Variants in CRMP1 observed in about 807,000 individuals in gnomAD.
CRMP1 encodes dihydropyrimidinase-related protein 1.
Under a neutral mutation model 68.3 loss-of-function variants are expected in CRMP1, and 19 were observed. That is an observed-to-expected ratio of 0.28 (90% CI 0.19 to 0.41). The LOEUF (loss-of-function observed/expected upper bound fraction) is 0.41, where lower values mean the gene tolerates loss of function less well. CRMP1 is among the 10% of genes least tolerant of loss of function. The pLI, the probability that CRMP1 is intolerant of heterozygous loss-of-function variation, is 1.00. For synonymous variants in CRMP1, 439 were observed against 399.6 expected, an observed-to-expected ratio of 1.10 and a Z score of -1.18; for missense variants, 791 against 967.4, an observed-to-expected ratio of 0.82 and a Z score of 2.42.
intron 6 of CRMP1, among the ~76,000 whole-genome samples, chr4:5,848,194 G>C (rs952697461): frequency 1.3e-5 from 2 of 151,442 alleles, no homozygotes; most frequent in Non-Finnish European, 2.9e-5. Context: ...GCCCAGGCTG[G>C]AGTGCAGTGG....
At chr4:5,885,670 T>C (rs1320766530) in intron 1 of CRMP1, among the ~76,000 whole-genome samples, 1 of 152,072 alleles carries the variant, frequency 6.6e-6, no homozygotes, top group East Asian at 1.9e-4. Context: ...CAAGGCTGAG[T>C]GTCCCTGCTG....
intron 4 of CRMP1, 135 bp downstream of exon 4, chr4:5,856,008 T>C: frequency 2.0e-6 from 2 of 1,000,354 alleles, no homozygotes; most frequent in Non-Finnish European, 2.9e-6. Context: ...GTTTCCTCAC[T>C]GTCACGTGGC....
In CRMP1 at chr4:5,827,439, G is replaced by A. The variant is rs140159593; in HGVS notation, c.1803+1050C>T. On this transcript the variant is annotated intron_variant, in intron 12 of 13. Transcript: ENST00000324989. Reference sequence around the variant, plus strand: ...CCTGGTGCTACACCTTATGGAAGCTGGGGAGAGACCAAAACCAGATGCAGA... The same window carrying A: ...CCTGGTGCTACACCTTATGGAAGCTAGGGAGAGACCAAAACCAGATGCAGA... Among the ~76,000 whole-genome samples the A allele has an allele frequency of 2.7e-3, 417 of 152,282 alleles. 2 individuals are homozygous for A. Among genetic ancestry groups the A allele is most frequent in the African/African-American group, 9.2e-3 (382 of 41,566 alleles).
intron 11 of CRMP1, 77 bp from the exon 12 acceptor site, chr4:5,828,745 T>TAACA: frequency 6.6e-7 from 1 of 1,506,878 alleles, no homozygotes; most frequent in Non-Finnish European, 9.0e-7. Flanking sequence ...CGATTTTGCC[T>TAACA]AACATTATAT....
Position 5,892,135 on chromosome 4 carries a change from C to G in CRMP1, c.381+454G>C, listed in dbSNP as rs1395600754. ...GACTCGCGGAACCTCTCCCGGGGCC[C>G]GGCACACAGTAGGTGCTCTATAATT... is the stretch of plus-strand genomic sequence containing the variant. On this transcript the variant is annotated intron_variant, in intron 1 of 13. Transcript: ENST00000324989. The surrounding 1 kb of genome is among the most constrained non-coding windows in gnomAD (Gnocchi z 8.6). Among the ~76,000 whole-genome samples, 1 of 152,138 alleles carries G rather than the reference C, an allele frequency of 6.6e-6. No individual in the cohort carries two copies. Among genetic ancestry groups the G allele is most frequent in the African/African-American group, 2.4e-5 (1 of 41,426 alleles).
At chr4:5,822,493 AGGGG>A (rs56927662) in intron 13 of CRMP1, among the ~76,000 whole-genome samples, 3 of 134,050 alleles carry the variant, frequency 2.2e-5, no homozygotes, top group African/African-American at 7.6e-5. Context: ...GTGGATCTGA[AGGGG>A]GGGGGGGTGG....
intron 1 of CRMP1, among the ~76,000 whole-genome samples, chr4:5,880,178 T>G (rs1560520355): frequency 6.6e-6 from 1 of 152,194 alleles, no homozygotes; most frequent in Non-Finnish European, 1.5e-5. Context: ...ATTGGAGGTA[T>G]GCAGAGAACA....
In CRMP1 at chr4:5,861,271, C is replaced by A. The variant is rs1389547738; in HGVS notation, c.471-61G>T. The A allele has an allele frequency of 4.0e-6, 6 of 1,514,946 alleles. No individual in the cohort carries two copies. Among genetic ancestry groups the A allele is most frequent in the Non-Finnish European group, 3.6e-6 (4 of 1,108,354 alleles). 93.8% of individuals were successfully genotyped at this position (1,514,946 alleles called of 1,614,324 possible). On this transcript the variant is annotated intron_variant, in intron 2 of 13. Transcript: ENST00000324989. The surrounding 1 kb of genome is among the most constrained non-coding windows in gnomAD (Gnocchi z 6.0). ...AAGGAAAAGTAGAATGGGCAGTCAA[C>A]CCGCAGCTTCAGTTCCATGAAATAA...
Position 5,883,665 on chromosome 4 carries a change from C to T in CRMP1, c.381+8924G>A, listed in dbSNP as rs1715376604. Among the ~76,000 whole-genome samples the T allele has an allele frequency of 6.6e-6, 1 of 151,878 alleles. No individual in the cohort carries two copies. The highest frequency in any genetic ancestry group is 1.5e-5 in the Non-Finnish European group (1 of 67,904). On this transcript the variant is annotated intron_variant, in intron 1 of 13. Coordinates refer to ENST00000324989, the MANE Select transcript of CRMP1 (RefSeq NM_001014809.3). The surrounding 1 kb of genome is among the most constrained non-coding windows in gnomAD (Gnocchi z 4.5). ...ATAATTAAGGTCAGGGACACACACA[C>T]ACACACACACACACATGCTTGCCCA...
chr4:5,839,773 G>C, intron 8 of CRMP1, 95 bp from the exon 9 acceptor site: 1 of 1,388,580 alleles, frequency 7.2e-7, no homozygotes, highest in Non-Finnish European at 9.6e-7. Flanking sequence ...AGGGAGAACG[G>C]GGCTGGCTGA....
Position 5,860,810 on chromosome 4 carries a change from T to C in CRMP1, c.655+216A>G, listed in dbSNP as rs111537735. ...AATAATTTTTTAAAATTGGTACCTA[T>C]AAAACCGTATTGTTTATTAAGCCAT... On this transcript the variant is annotated intron_variant, in intron 3 of 13. Coordinates refer to ENST00000324989, the MANE Select transcript of CRMP1 (RefSeq NM_001014809.3). The surrounding 1 kb of genome is among the most constrained non-coding windows in gnomAD (Gnocchi z 4.2). Among the ~76,000 whole-genome samples the C allele has an allele frequency of 7.3e-3, 1,108 of 152,314 alleles. 17 individuals carry two copies. The highest frequency in any genetic ancestry group is 0.025 in the African/African-American group (1,034 of 41,556).
At chr4:5,836,438 C>A (rs571059424) in intron 10 of CRMP1, among the ~76,000 whole-genome samples, 7 of 152,346 alleles carry the variant, frequency 4.6e-5, no homozygotes, top group African/African-American at 1.7e-4. Flanking sequence ...ACTCAACATC[C>A]CAACTCCTAA....
At chr4:5,885,638 G>A (rs922660083) in intron 1 of CRMP1, among the ~76,000 whole-genome samples, 1 of 152,124 alleles carries the variant, frequency 6.6e-6, no homozygotes, top group African/African-American at 2.4e-5. Flanking sequence ...CTCTCCTCCT[G>A]TCCCCTCTGT....
intron 1 of CRMP1, among the ~76,000 whole-genome samples, chr4:5,867,819 A>C (rs911374285): frequency 6.6e-6 from 1 of 150,570 alleles, no homozygotes; most frequent in African/African-American, 2.5e-5. Context: ...TAAGTCTAAA[A>C]AAGAGTCTAT....
chr4:5,827,634 T>C (rs1193700557), intron 12 of CRMP1, among the ~76,000 whole-genome samples: 1 of 149,958 alleles, frequency 6.7e-6, no homozygotes, highest in South Asian at 2.1e-4. Flanking sequence ...ACACACACAC[T>C]CCAACACACG....
Position 5,861,188 on chromosome 4 carries a change from C to G in CRMP1, c.493G>C (p.Val165Leu), listed in dbSNP as rs758415603. Residue 165 changes from valine (V) to leucine (L), a missense_variant, in exon 3 of 14, where the codon GTT becomes CTT. This residue lies in a region of CRMP1 where 594 missense variants were observed against 763.6 expected (regional missense o/e 0.78). Coordinates refer to ENST00000324989, the MANE Select transcript of CRMP1 (RefSeq NM_001014809.3). This position sits in a 1 kb window ranked among gnomAD's most constrained non-coding sequence, Gnocchi z 6.0. ...TCAATGGTCTTCACTCCACCAGGAA[C>G]GATTAAGTTCTCTCCTATTTGTCTG... is the stretch of plus-strand genomic sequence containing the variant. ...LIKQIGENLI[V>L]PGGVKTIEAN... The G allele has an allele frequency of 4.3e-6, 7 of 1,613,920 alleles. No homozygotes were observed. Among genetic ancestry groups the G allele is most frequent in the Non-Finnish European group, 5.9e-6 (7 of 1,179,968 alleles).
At chr4:5,882,981 C>T (rs1194231838) in intron 1 of CRMP1, among the ~76,000 whole-genome samples, 1 of 152,196 alleles carries the variant, frequency 6.6e-6, no homozygotes, top group African/African-American at 2.4e-5. Context: ...ATTTCCAAAG[C>T]TTTATAGAAT....
Position 5,881,333 on chromosome 4 carries a change from T to C in CRMP1, c.381+11256A>G, listed in dbSNP as rs897108683. Among the ~76,000 whole-genome samples the C allele has an allele frequency of 3.3e-5, 5 of 152,232 alleles. No homozygotes were observed. The highest frequency in any genetic ancestry group is 7.2e-5 in the African/African-American group (3 of 41,460). Reference sequence around the variant, plus strand: ...CAGAGCAAAGCTATGATTTGGTCATTACAGCTCTCTAGGGCAATGGTTCTC... The same window carrying C: ...CAGAGCAAAGCTATGATTTGGTCATCACAGCTCTCTAGGGCAATGGTTCTC... On this transcript the variant is annotated intron_variant, in intron 1 of 13. Transcript: ENST00000324989. The surrounding 1 kb of genome is among the most constrained non-coding windows in gnomAD (Gnocchi z 4.6).
rs965159020 is a variant in CRMP1, at chr4:5,889,883, C to A, written c.381+2706G>T. On this transcript the variant is annotated intron_variant, in intron 1 of 13. Transcript: ENST00000324989. This position sits in a 1 kb window ranked among gnomAD's most constrained non-coding sequence, Gnocchi z 4.5. ...GTGAGGTTTTAGCTTCACAGAGAAG[C>A]CAGCTCAGTATCCCAGGAACACTAG... is the stretch of plus-strand genomic sequence containing the variant. The A allele has an allele frequency of 3.8e-5, 54 of 1,422,850 alleles. No homozygotes were observed. Among genetic ancestry groups the A allele is most frequent in the Admixed American group, 1.7e-4 (6 of 35,132 alleles). The allele number at this position is 1,422,850 out of a possible 1,614,324, so 88.1% of individuals were successfully genotyped here. A position where few individuals can be genotyped will look rare whatever the true frequency, so the allele number is the denominator to read the frequency against.
Sources: allele counts gnomAD v4.1 joint callset (sites outside exome capture counted in the v4.1 genomes callset), GRCh38; gene constraint gnomAD v4.1.1; regional missense constraint gnomAD v4.1.1; non-coding constraint Gnocchi (gnomAD v3.1); transcripts MANE v1.5; gene names NCBI Gene and HGNC (gene_info 2026-07-23, HGNC 2026-07-21).